The following NUP35 variants were observed in gnomAD, a reference collection of about 807,000 sequenced individuals.
The protein encoded by NUP35 is nucleoporin NUP35.
A neutral mutation model predicts 41.5 loss-of-function variants in NUP35; 25 were observed. The observed-to-expected ratio is 0.60, with a 90% confidence interval of 0.44 to 0.84. The LOEUF (loss-of-function observed/expected upper bound fraction) is 0.84, where lower values mean the gene tolerates loss of function less well. Among genes scored for constraint, NUP35 ranks in the 40% least tolerant of loss-of-function variants. The pLI is 0.00. For missense variants in NUP35, 396 were observed against 396.6 expected, an observed-to-expected ratio of 1.00 and a Z score of 0.01; for synonymous variants, 149 against 130.7, an observed-to-expected ratio of 1.14 and a Z score of -0.96.
At chr2:183,140,374 T>G (rs1685047011) in intron 4 of NUP35, among the ~76,000 whole-genome samples, 1 of 152,154 alleles carries the variant, frequency 6.6e-6, no homozygotes, top group Non-Finnish European at 1.5e-5. Flanking sequence ...AGGACCTTAT[T>G]GGTTATATTG....
chr2:183,130,558 C>T lies in NUP35; in HGVS notation c.339+13C>T. 1 of 1,609,550 alleles carries T rather than the reference C, an allele frequency of 6.2e-7. No individual in the cohort carries two copies. The highest frequency in any genetic ancestry group is 2.2e-5 in the East Asian group (1 of 44,838). ...TTCAAGAAGACAGGTAATATAAATA[C>T]CCTTTTGATCCCCAATGAACAACAT... On this transcript the variant is annotated intron_variant, in intron 3 of 8. Transcript: ENST00000295119.
intron 8 of NUP35, 108 bp downstream of exon 8, chr2:183,159,760 G>T: frequency 1.2e-6 from 1 of 844,006 alleles, no homozygotes. Context: ...TTCCTGTGGA[G>T]GCTATTACCT....
upstream of NUP35, among the ~76,000 whole-genome samples, chr2:183,121,177 T>C (rs1002857145): frequency 4.6e-5 from 7 of 152,074 alleles, no homozygotes; most frequent in Non-Finnish European, 1.0e-4. Flanking sequence ...ACTGCAGATG[T>C]CAAGGAGGCA....
chr2:183,149,852 A>T (rs1685403017), intron 4 of NUP35, among the ~76,000 whole-genome samples: 1 of 152,220 alleles, frequency 6.6e-6, no homozygotes. Flanking sequence ...TGTTAGAATT[A>T]AATAAAATTA....
At chr2:183,145,235 G>A (rs1029713161) in intron 4 of NUP35, among the ~76,000 whole-genome samples, 2 of 152,228 alleles carry the variant, frequency 1.3e-5, no homozygotes, top group African/African-American at 2.4e-5. Context: ...AAAGTGGGAT[G>A]TTTCATTCTA....
intron 8 of NUP35, chr2:183,160,540 G>A (rs1433841888): frequency 6.6e-6 from 1 of 151,670 alleles, no homozygotes; most frequent in African/African-American, 2.4e-5. Context: ...GTGCCACCAC[G>A]CCCAGCTAAT....
At chr2:183,159,397 T>C (rs1268849178) in intron 7 of NUP35, 91 bp from the exon 8 acceptor site, 2 of 992,134 alleles carry the variant, frequency 2.0e-6, no homozygotes, top group African/African-American at 1.7e-5. Context: ...ATTTCATCTT[T>C]ATCTTTTAAT....
Position 183,132,360 on chromosome 2 carries a change from T to C in NUP35, c.340-1206T>C, listed in dbSNP as rs369061589. 2.5e-4 allele frequency among the ~76,000 whole-genome samples: 38 copies of C among 151,910 alleles called. No individual in the cohort carries two copies. In the East Asian group the frequency reaches 3.1e-3, roughly 12 times the overall value. On this transcript the variant is annotated intron_variant, in intron 3 of 8. Coordinates refer to ENST00000295119, the MANE Select transcript of NUP35 (RefSeq NM_138285.5). ...TTGAACCCATGAGTTTGAGATCAGC[T>C]TGGGCTACATGGCGAAACTCTTGTC...
chr2:183,145,638 T>A (rs1345587867), intron 4 of NUP35, among the ~76,000 whole-genome samples: 1 of 152,222 alleles, frequency 6.6e-6, no homozygotes, highest in Admixed American at 6.5e-5. Flanking sequence ...TAAATATTAC[T>A]TAGTTATTAC....
At chr2:183,140,258 A>G (rs1013444203) in intron 4 of NUP35, among the ~76,000 whole-genome samples, 3 of 152,008 alleles carry the variant, frequency 2.0e-5, no homozygotes, top group African/African-American at 7.3e-5. Context: ...TCTAAGTTGT[A>G]GAGGCTGTCC....
At chr2:183,139,208 CTTTCTTT>C (rs1296768096) in intron 4 of NUP35, among the ~76,000 whole-genome samples, 2 of 76,102 alleles carry the variant, frequency 2.6e-5, no homozygotes, top group Non-Finnish European at 5.2e-5. Flanking sequence ...GCATTTCTTT[CTTTCTTT>C]TTTTTTTTTT....
intron 5 of NUP35, among the ~76,000 whole-genome samples, chr2:183,153,131 A>G (rs994881200): frequency 1.3e-5 from 2 of 152,166 alleles, no homozygotes; most frequent in African/African-American, 4.8e-5. Flanking sequence ...AGCACAGGAA[A>G]GACTGGCCCC....
intron 4 of NUP35, among the ~76,000 whole-genome samples, chr2:183,145,010 T>G (rs1292508357): frequency 6.6e-6 from 1 of 152,234 alleles, no homozygotes; most frequent in Non-Finnish European, 1.5e-5. Flanking sequence ...AACTAAATTT[T>G]ATCTTCTTAA....
At chr2:183,141,131 T>TA (rs890705523) in intron 4 of NUP35, among the ~76,000 whole-genome samples, 135 of 152,082 alleles carry the variant, frequency 8.9e-4, no homozygotes, top group African/African-American at 3.2e-3. Flanking sequence ...TTTTTTTTTT[T>TA]TCCTCAGCAT....
chr2:183,159,489 G>A lies in NUP35; in HGVS notation c.740G>A (p.Ser247Asn), dbSNP rs766488860. The A allele has an allele frequency of 2.5e-6, 4 of 1,612,370 alleles. No homozygotes were observed. Among genetic ancestry groups the A allele is most frequent in the South Asian group, 2.2e-5 (2 of 90,966 alleles). ...MIGVKPCIDK[S>N]VMESSDRCAL... is the part of the protein sequence containing the mutation. ...GGAGTTATTTCTTTGTTTCTCCAGA[G>A]TGTTATGGAAAGCAGTGACAGATGT... is the stretch of plus-strand genomic sequence containing the variant. The change falls in exon 8 of 9, where the codon AGT (serine) becomes AAT (asparagine). Residue 247 changes from serine to asparagine, a missense_variant and splice_region_variant. Physicochemically the swap from Ser to Asn is conservative, Grantham distance 46 (BLOSUM62 1). Coordinates refer to ENST00000295119, the MANE Select transcript of NUP35 (RefSeq NM_138285.5).
intron 1 of NUP35, among the ~76,000 whole-genome samples, chr2:183,119,265 A>ACCATT (rs1431139046): frequency 5.3e-5 from 8 of 152,192 alleles, no homozygotes; most frequent in Non-Finnish European, 1.5e-5. Context: ...TTATGCCTGA[A>ACCATT]TAGCTACCTA....
chr2:183,119,676 T>C (rs945897547), upstream of NUP35, among the ~76,000 whole-genome samples: 3 of 151,596 alleles, frequency 2.0e-5, no homozygotes, highest in Non-Finnish European at 2.9e-5. Context: ...GTGAAGGAAA[T>C]TTTTCTTTTT....
chr2:183,132,512 C>T (rs1272570647), intron 3 of NUP35, among the ~76,000 whole-genome samples: 2 of 151,956 alleles, frequency 1.3e-5, no homozygotes, highest in African/African-American at 4.8e-5. Flanking sequence ...GGGCTGTGAT[C>T]GTGTTACTGC....
At chr2:183,152,849 A>G (rs6732406) in intron 5 of NUP35, among the ~76,000 whole-genome samples, 25,466 of 151,596 alleles carry the variant, frequency 0.17, 2,562 homozygotes, top group African/African-American at 0.28. Flanking sequence ...TGATATTTAC[A>G]CTCTACAAAA....
Sources: allele counts gnomAD v4.1 joint callset (sites outside exome capture counted in the v4.1 genomes callset), GRCh38; gene constraint gnomAD v4.1.1; transcripts MANE v1.5; gene names NCBI Gene and HGNC (gene_info 2026-07-23, HGNC 2026-07-21).